SLC25A16: variants seen among roughly 807,000 people sequenced by gnomAD.
SLC25A16 encodes the protein mitochondrial coenzyme A transporter SLC25A16.
In SLC25A16, 39 loss-of-function variants were observed where a neutral mutation model predicts 41.5. The observed-to-expected ratio is 0.94, with a 90% CI of 0.73 to 1.23. SLC25A16 has a LOEUF of 1.23. Among genes scored for constraint, SLC25A16 ranks in the 50% most tolerant of loss-of-function variants. SLC25A16 has a pLI of 0.00. For missense variants in SLC25A16, 421 were observed against 426.9 expected, an observed-to-expected ratio of 0.99 and a Z score of 0.12; for synonymous variants, 146 against 147.8, an observed-to-expected ratio of 0.99 and a Z score of 0.09.
chr10:68,484,314 A>C (rs1261624272), intron 8 of SLC25A16, among the ~76,000 whole-genome samples: 1 of 152,192 alleles, frequency 6.6e-6, no homozygotes, highest in Admixed American at 6.6e-5. Context: ...TTCAGATTTC[A>C]GCAATGAACA....
At chr10:68,514,632 A>G (rs1317855948) in intron 2 of SLC25A16, among the ~76,000 whole-genome samples, 1 of 152,200 alleles carries the variant, frequency 6.6e-6, no homozygotes, top group African/African-American at 2.4e-5. Context: ...TTTTACGCAT[A>G]TTGCCAAAAT....
rs934964046 is a variant in SLC25A16, at chr10:68,487,561, C to T, written c.774-349G>A. ...CCAACACTGGCACTACTGACATTTT[C>T]GGTTGGATCATCCTTTGTTGTGGGG... On this transcript the variant is annotated intron_variant, in intron 7 of 8. Transcript: ENST00000609923. Among the ~76,000 whole-genome samples the T allele has an allele frequency of 1.2e-4, 18 of 152,162 alleles. No individual in the cohort carries two copies. In the South Asian group the frequency reaches 1.7e-3, roughly 14 times the overall value.
intron 7 of SLC25A16, among the ~76,000 whole-genome samples, chr10:68,487,625 G>C (rs1171309320): frequency 6.6e-6 from 1 of 152,134 alleles, no homozygotes; most frequent in African/African-American, 2.4e-5. Flanking sequence ...GCACATCCCT[G>C]ACCTCTTCCC....
intron 4 of SLC25A16, among the ~76,000 whole-genome samples, chr10:68,500,807 C>G (rs988052761): frequency 1.3e-5 from 2 of 150,412 alleles, no homozygotes; most frequent in African/African-American, 4.9e-5. Context: ...GGCACGTGCC[C>G]GTAATCCCAG....
intron 4 of SLC25A16, chr10:68,496,575 A>G: frequency 1.0e-6 from 1 of 984,158 alleles, no homozygotes; most frequent in Non-Finnish European, 1.2e-6. Flanking sequence ...TGAATGTGCA[A>G]ACTCTTCTCT....
intron 3 of SLC25A16, 68 bp from the exon 4 acceptor site, chr10:68,503,763 T>A: frequency 1.1e-6 from 1 of 949,134 alleles, no homozygotes; most frequent in Non-Finnish European, 1.7e-6. Flanking sequence ...TGTTTAATAA[T>A]GAAGATTTAT....
At chr10:68,494,394 G>A (rs1281981597) in intron 4 of SLC25A16, among the ~76,000 whole-genome samples, 4 of 148,546 alleles carry the variant, frequency 2.7e-5, no homozygotes, top group Admixed American at 6.8e-5. Flanking sequence ...CCCAGGAGGC[G>A]GAGGTTGCAG....
chr10:68,511,094 G>A (rs780324984), intron 2 of SLC25A16, among the ~76,000 whole-genome samples: 3 of 151,676 alleles, frequency 2.0e-5, no homozygotes, highest in East Asian at 2.0e-4. Flanking sequence ...AAAAATTAGC[G>A]GGGCTTGGTG....
chr10:68,519,915 CA>C (rs972714388), intron 1 of SLC25A16, among the ~76,000 whole-genome samples: 1 of 143,512 alleles, frequency 7.0e-6, no homozygotes, highest in African/African-American at 2.6e-5. Context: ...AACTCCGTCT[CA>C]AAAAAAAAGA....
intron 3 of SLC25A16, 93 bp downstream of exon 3, chr10:68,506,492 C>A (rs1185563909): frequency 1.5e-5 from 12 of 818,840 alleles, no homozygotes; most frequent in South Asian, 7.4e-5. Context: ...AAATATGAAA[C>A]TTTTACATAT....
chr10:68,521,184 T>C (rs1451667678), intron 1 of SLC25A16, among the ~76,000 whole-genome samples: 1 of 151,798 alleles, frequency 6.6e-6, no homozygotes, highest in African/African-American at 2.4e-5. Flanking sequence ...TAATATCAAG[T>C]GCCAACAAGG....
intron 8 of SLC25A16, among the ~76,000 whole-genome samples, chr10:68,486,414 G>GT (rs554650377): frequency 7.3e-5 from 11 of 150,896 alleles, no homozygotes; most frequent in African/African-American, 1.5e-4. Context: ...TATTTTCTTT[G>GT]TTTTTTTTAG....
In SLC25A16 at chr10:68,493,269, A is replaced by G. The variant is rs562385974; in HGVS notation, c.544-71T>C. The G allele has an allele frequency of 3.0e-5, 36 of 1,210,130 alleles. No individual in the cohort carries two copies. The South Asian group carries it at 4.4e-4, about 15-fold the overall frequency. The allele number at this position is 1,210,130 out of a possible 1,614,324, so 75.0% of individuals were successfully genotyped here. ...TATCATAAACATCAAAGAAAAAATC[A>G]CACTTTATAACAGAAAAATTATTCA... On this transcript the variant is annotated intron_variant, in intron 5 of 8. Transcript: ENST00000609923.
chr10:68,507,424 A>AC, intron 2 of SLC25A16, among the ~76,000 whole-genome samples: 1 of 152,212 alleles, frequency 6.6e-6, no homozygotes, highest in East Asian at 1.9e-4. Flanking sequence ...TCAGAGGCCT[A>AC]CCCAGATACA....
Position 68,482,620 on chromosome 10 carries a change from T to C in SLC25A16, c.*812A>G, listed in dbSNP as rs2052497039. Reference sequence around the variant, plus strand: ...AGAGCAAAGATATTCAGTATTTTTATTTCTGCCTCTGGGAAACACACTGAC... The same window carrying C: ...AGAGCAAAGATATTCAGTATTTTTACTTCTGCCTCTGGGAAACACACTGAC... On this transcript the variant is annotated 3_prime_UTR_variant, in exon 9 of 9. Coordinates refer to ENST00000609923, the MANE Select transcript of SLC25A16 (RefSeq NM_152707.4). The C allele has an allele frequency of 6.6e-6, 1 of 152,316 alleles. No homozygotes were observed. Among genetic ancestry groups the C allele is most frequent in the Admixed American group, 6.5e-5 (1 of 15,268 alleles). 9.4% of individuals were successfully genotyped at this position (152,316 alleles called of 1,614,324 possible).
intron 4 of SLC25A16, chr10:68,499,755 C>T: frequency 2.5e-6 from 1 of 397,810 alleles, no homozygotes; most frequent in South Asian, 2.6e-5. Context: ...TCCAGGCTTA[C>T]AGGAAGAAAT....
chr10:68,479,600 T>C lies in SLC25A16; in HGVS notation c.*3832A>G, dbSNP rs1357778388. On this transcript the variant is annotated 3_prime_UTR_variant, in exon 9 of 9. Transcript: ENST00000609923. ...GGGGCAGATCACTTGAGGTCAGGTA[T>C]TCAAGACCAGCCTGGCCAACAGGGC... The C allele has an allele frequency of 6.6e-6, 1 of 152,144 alleles. No individual in the cohort carries two copies. The highest frequency in any genetic ancestry group is 1.9e-4 in the East Asian group (1 of 5,194). 9.4% of individuals were successfully genotyped at this position (152,144 alleles called of 1,614,324 possible).
Position 68,483,558 on chromosome 10 carries a change from A to C in SLC25A16, c.873T>G (p.Tyr291Ter). 1 of 1,610,642 alleles carries C rather than the reference A, an allele frequency of 6.2e-7. No individual in the cohort carries two copies. The highest frequency in any genetic ancestry group is 8.5e-7 in the Non-Finnish European group (1 of 1,178,268). ...GTCCTTTTCGAATTCCATGGTGTCC[A>C]TAGACATACTTCATAGTATCCCGCA... ...LTMRDTMKYV[Y>*]GHHGIRKGLY... The change falls in exon 9 of 9, where the codon TAT becomes TAG. Residue 291 changes from tyrosine (Y) to a stop codon, truncating the protein, a stop_gained. Coordinates refer to ENST00000609923, the MANE Select transcript of SLC25A16 (RefSeq NM_152707.4). LOFTEE classifies it high-confidence loss of function.
chr10:68,493,429 G>A lies in SLC25A16; in HGVS notation c.543+20C>T. 1.2e-6 allele frequency: 2 copies of A among 1,600,090 alleles called. No homozygotes were observed. The highest frequency in any genetic ancestry group is 1.1e-5 in the South Asian group (1 of 90,736). On this transcript the variant is annotated intron_variant, in intron 5 of 8. Coordinates refer to ENST00000609923, the MANE Select transcript of SLC25A16 (RefSeq NM_152707.4). ...GTATAAAAGGGCATGTTATAGATGA[G>A]GAAGGTAAATATGAAATACCTTTGC...
Sources: allele counts gnomAD v4.1 joint callset (sites outside exome capture counted in the v4.1 genomes callset), GRCh38; gene constraint gnomAD v4.1.1; transcripts MANE v1.5; gene names NCBI Gene and HGNC (gene_info 2026-07-23, HGNC 2026-07-21).